The following FBXO28 variants were observed in gnomAD, a reference collection of about 807,000 sequenced individuals.
The protein encoded by FBXO28 is F-box only protein 28.
Under a neutral mutation model 38.1 loss-of-function variants are expected in FBXO28, and 8 were observed. The ratio of observed to expected loss-of-function variants is 0.21; its 90% CI spans 0.12 to 0.38. The LOEUF (loss-of-function observed/expected upper bound fraction) is 0.38, where lower values mean the gene tolerates loss of function less well. Ranked by LOEUF, FBXO28 falls within the 10% of genes least tolerant of loss-of-function variation. The pLI, the probability that FBXO28 is intolerant of heterozygous loss-of-function variation, is 1.00. For synonymous variants in FBXO28, 168 were observed against 173.8 expected, an observed-to-expected ratio of 0.97 and a Z score of 0.26; for missense variants, 345 against 460.6, an observed-to-expected ratio of 0.75 and a Z score of 2.30.
intron 2 of FBXO28, among the ~76,000 whole-genome samples, chr1:224,133,700 G>A (rs965556859): frequency 1.3e-5 from 2 of 151,592 alleles, no homozygotes; most frequent in Non-Finnish European, 2.9e-5. Context: ...TAGTAGAGAC[G>A]GGGTTTCACC....
At chr1:224,135,177 A>G (rs6691405) in intron 3 of FBXO28, among the ~76,000 whole-genome samples, 77,910 of 152,030 alleles carry the variant, frequency 0.51, 20,991 homozygotes, top group South Asian at 0.6. Flanking sequence ...GTAGGGTGCT[A>G]TAAGAGGATG....
At chr1:224,128,848 G>T (rs6426140) in intron 1 of FBXO28, among the ~76,000 whole-genome samples, 150,080 of 152,084 alleles carry the variant, frequency 0.99, 74,079 homozygotes, top group Middle Eastern at 1. Flanking sequence ...TAGCTGCGCG[G>T]GGTGGTGCAT....
intron 1 of FBXO28, among the ~76,000 whole-genome samples, chr1:224,120,614 G>A (rs1450935949): frequency 6.6e-6 from 1 of 152,200 alleles, no homozygotes; most frequent in Non-Finnish European, 1.5e-5. Context: ...TGTAATCCCA[G>A]CACTTTGGGA....
chr1:224,129,326 G>A (rs1045749714), intron 1 of FBXO28, among the ~76,000 whole-genome samples: 10 of 152,182 alleles, frequency 6.6e-5, no homozygotes, highest in Non-Finnish European at 1.3e-4. Context: ...GGTGACAAGA[G>A]TGAAACTCCA....
At chr1:224,137,015 G>GT (rs1191523309) in intron 3 of FBXO28, among the ~76,000 whole-genome samples, 1 of 151,344 alleles carries the variant, frequency 6.6e-6, no homozygotes, top group Non-Finnish European at 1.5e-5. Context: ...GCCTCCCAAA[G>GT]TGCTGGGATT....
intron 4 of FBXO28, 140 bp from the exon 5 acceptor site, chr1:224,157,212 C>T (rs1657793442): frequency 9.9e-7 from 1 of 1,009,244 alleles, no homozygotes; most frequent in Non-Finnish European, 1.4e-6. Flanking sequence ...GATGATTAAC[C>T]CAACTGACCA....
chr1:224,149,037 T>C (rs370772305), intron 3 of FBXO28, among the ~76,000 whole-genome samples: 12 of 152,310 alleles, frequency 7.9e-5, no homozygotes, highest in East Asian at 7.7e-4. Flanking sequence ...CTTATGCCTA[T>C]ACCATTACAA....
At chr1:224,143,358 G>A (rs779036313) in intron 3 of FBXO28, among the ~76,000 whole-genome samples, 4 of 152,180 alleles carry the variant, frequency 2.6e-5, no homozygotes, top group Admixed American at 1.3e-4. Flanking sequence ...TCAGAGCTGT[G>A]CCTGTTAGGT....
intron 1 of FBXO28, among the ~76,000 whole-genome samples, chr1:224,123,442 CAAAAAA>C (rs10647785): frequency 3.1e-5 from 2 of 64,294 alleles, no homozygotes; most frequent in African/African-American, 1.3e-4. Context: ...GACCCTGTCT[CAAAAAA>C]AAAAAAAAAA....
At chr1:224,124,661 A>G (rs867610788) in intron 1 of FBXO28, among the ~76,000 whole-genome samples, 2 of 152,160 alleles carry the variant, frequency 1.3e-5, no homozygotes, top group Admixed American at 6.6e-5. Flanking sequence ...GAAATTTAGT[A>G]TATTTCTTTT....
chr1:224,129,940 A>G (rs1165519337), intron 1 of FBXO28, among the ~76,000 whole-genome samples: 1 of 152,094 alleles, frequency 6.6e-6, no homozygotes, highest in Non-Finnish European at 1.5e-5. Flanking sequence ...CAGTGAGCTA[A>G]GATCGCGCCA....
intron 1 of FBXO28, among the ~76,000 whole-genome samples, chr1:224,126,231 C>T (rs1436420061): frequency 1.3e-5 from 2 of 152,176 alleles, no homozygotes; most frequent in East Asian, 3.9e-4. Context: ...CTAGCCAGCA[C>T]TCATATTCGA....
rs397982996 is a variant in FBXO28 at position 224,136,101 on chromosome 1, G to GTTTTTTTTTTTTTTTTTT, written c.516+1892_516+1909dup. 1.9e-4 allele frequency among the ~76,000 whole-genome samples: 14 copies of GTTTTTTTTTTTTTTTTTT among 75,130 alleles called. 3 individuals carry two copies. Among genetic ancestry groups the GTTTTTTTTTTTTTTTTTT allele is most frequent in the Admixed American group, 4.7e-4 (2 of 4,276 alleles). The allele number at this position is 75,130 out of a possible 152,430, so 49.3% of individuals were successfully genotyped here. On this transcript the variant is annotated intron_variant, in intron 3 of 4. Coordinates refer to ENST00000366862, the MANE Select transcript of FBXO28 (RefSeq NM_015176.4). ...TTTTGGAAACCATTTGTTGACTTCA[G>GTTTTTTTTTTTTTTTTTT]TTTTTTTTTTTTTTTTTTTTGAGAT...
intron 1 of FBXO28, among the ~76,000 whole-genome samples, chr1:224,116,471 CAT>C (rs147651029): frequency 4.7e-4 from 71 of 152,228 alleles, no homozygotes; most frequent in African/African-American, 1.7e-3. Flanking sequence ...TGCTATCTGA[CAT>C]ATAAGTTACG....
In FBXO28 at chr1:224,160,909, T is replaced by C. The variant is rs1238755279; in HGVS notation, c.*3163T>C. 1 of 152,174 alleles carries C rather than the reference T, an allele frequency of 6.6e-6. No homozygotes were observed. Among genetic ancestry groups the C allele is most frequent in the African/African-American group, 2.4e-5 (1 of 41,446 alleles). The allele number at this position is 152,174 out of a possible 1,614,324, so 9.4% of individuals were successfully genotyped here. A position where few individuals can be genotyped will look rare whatever the true frequency, so the allele number is the denominator to read the frequency against. ...GCCTAAATTAATAAGCTAAAAGGTG[T>C]CACTACAGCTGGATTTTTGAGAGAA... is the stretch of plus-strand genomic sequence containing the variant. On this transcript the variant is annotated 3_prime_UTR_variant, in exon 5 of 5. Transcript: ENST00000366862.
At chr1:224,124,313 A>G (rs550090284) in intron 1 of FBXO28, among the ~76,000 whole-genome samples, 14 of 152,306 alleles carry the variant, frequency 9.2e-5, no homozygotes, top group African/African-American at 3.1e-4. Flanking sequence ...AGCCCAAGCT[A>G]TATCTTTGTT....
chr1:224,139,985 G>T (rs1657306386), intron 3 of FBXO28, among the ~76,000 whole-genome samples: 1 of 152,134 alleles, frequency 6.6e-6, no homozygotes, highest in Non-Finnish European at 1.5e-5. Context: ...CAGCTCCTTG[G>T]GCGGCTGAGG....
At chr1:224,116,301 G>C (rs546575403) in intron 1 of FBXO28, among the ~76,000 whole-genome samples, 1 of 152,236 alleles carries the variant, frequency 6.6e-6, no homozygotes, top group African/African-American at 2.4e-5. Flanking sequence ...AGAAAAGAAA[G>C]ATGTTCTTTT....
intron 4 of FBXO28, among the ~76,000 whole-genome samples, chr1:224,155,050 G>C (rs151250908): frequency 4.0e-5 from 6 of 151,866 alleles, no homozygotes; most frequent in African/African-American, 1.2e-4. Context: ...TGTTTCTGAT[G>C]AATTAATATT....
Sources: gnomAD v4.1 joint callset for allele counts (sites outside exome capture counted in the v4.1 genomes callset) on GRCh38, gnomAD v4.1.1 for gene constraint, MANE v1.5 for transcripts, NCBI Gene and HGNC (gene_info 2026-07-23, HGNC 2026-07-21) for gene names.